The following LAP3 variants were observed in gnomAD, a reference collection of about 807,000 sequenced individuals.
LAP3 encodes the protein cytosol aminopeptidase.
In LAP3, 46 loss-of-function variants were observed where a neutral mutation model predicts 58.8. That is an observed-to-expected ratio of 0.78 (90% CI 0.62 to 1.00). The LOEUF (loss-of-function observed/expected upper bound fraction) is 1.00. Among genes scored for constraint, LAP3 ranks in the 50% least tolerant of loss-of-function variants. The pLI, the probability that LAP3 is intolerant of heterozygous loss-of-function variation, is 0.00. For synonymous variants in LAP3, 257 were observed against 237.7 expected (o/e 1.08, Z -0.75); for missense variants, 615 against 659.1 (o/e 0.93, Z 0.73).
intron 10 of LAP3, among the ~76,000 whole-genome samples, chr4:17,598,911 A>G (rs1279214039): frequency 1.3e-5 from 2 of 151,610 alleles, no homozygotes; most frequent in African/African-American, 4.9e-5. Context: ...GAATTTTTGT[A>G]TTTTTAGTAG....
chr4:17,588,844 G>T lies in LAP3; in HGVS notation c.730G>T (p.Ala244Ser), dbSNP rs144165726. 2 of 1,614,050 alleles carry T rather than the reference G, an allele frequency of 1.2e-6. No individual in the cohort carries two copies. Among genetic ancestry groups the T allele is most frequent in the Non-Finnish European group, 1.7e-6 (2 of 1,179,992 alleles). The change falls in exon 7 of 13, where the codon GCA (alanine) becomes TCA (serine). Residue 244 changes from alanine to serine, a missense_variant. Ala to Ser is a moderately conservative substitution (Grantham distance 99). Coordinates refer to ENST00000226299, the MANE Select transcript of LAP3 (RefSeq NM_015907.3). ...IRPKSWIEEQ[A>S]MGSFLSVAKG... ...ACCCAAGTCTTGGATTGAGGAACAG[G>T]CAATGGGATCATTCCTCAGTGTGGC...
chr4:17,595,280 C>T (rs113557457), intron 7 of LAP3, 130 bp from the exon 8 acceptor site: 21 of 929,092 alleles, frequency 2.3e-5, no homozygotes, highest in Middle Eastern at 3.6e-4. Flanking sequence ...CCTCGTGATC[C>T]GCCCACCTCG....
rs1285408752 is a variant in LAP3 at position 17,583,502 on chromosome 4, A to T, written c.399A>T (p.Gln133His). 3.7e-6 allele frequency: 6 copies of T among 1,614,032 alleles called. No homozygotes were observed. Among genetic ancestry groups the T allele is most frequent in the Non-Finnish European group, 5.1e-6 (6 of 1,180,048 alleles). Residue 133 changes from glutamine to histidine, a missense_variant, in exon 5 of 13, where the codon CAA (glutamine) becomes CAT (histidine). Physicochemically the swap from Gln to His is conservative, Grantham distance 24. Transcript: ENST00000226299. ...TTCAAGCGGGGTGCAGGCAGATTCAAGACCTGGAGCTCTCGTCTGTGGAGG... is the reference window on the plus strand; with the variant it reads ...TTCAAGCGGGGTGCAGGCAGATTCATGACCTGGAGCTCTCGTCTGTGGAGG... ...AAVAAGCRQIQDLELSSVEVD... is the reference protein window; with the variant it reads ...AAVAAGCRQIHDLELSSVEVD...
At chr4:17,599,795 C>T (rs944236330) in intron 10 of LAP3, among the ~76,000 whole-genome samples, 22 of 150,506 alleles carry the variant, frequency 1.5e-4, no homozygotes, top group African/African-American at 5.1e-4. Flanking sequence ...TCTCATTTAA[C>T]AAGTGACACA....
chr4:17,591,100 G>C (rs1315752338), intron 7 of LAP3, among the ~76,000 whole-genome samples: 2 of 144,936 alleles, frequency 1.4e-5, no homozygotes, highest in Admixed American at 1.4e-4. Flanking sequence ...TTTTTGAGAC[G>C]GAATCTTGCT....
intron 7 of LAP3, 127 bp from the exon 8 acceptor site, chr4:17,595,283 C>T: frequency 1.0e-6 from 1 of 978,684 alleles, no homozygotes. Context: ...CGTGATCCGC[C>T]CACCTCGGCC....
chr4:17,597,024 C>T, intron 8 of LAP3, 22 bp from the exon 9 acceptor site: 1 of 1,612,508 alleles, frequency 6.2e-7, no homozygotes, highest in Non-Finnish European at 8.5e-7. Flanking sequence ...TACTGTGTGC[C>T]TTCATATATT....
intron 10 of LAP3, among the ~76,000 whole-genome samples, chr4:17,599,699 G>A (rs1285687806): frequency 6.6e-6 from 1 of 150,650 alleles, no homozygotes; most frequent in Non-Finnish European, 1.5e-5. Context: ...AGCTTTCAGA[G>A]CTTTACTTTT....
chr4:17,585,590 T>C (rs1047427363), intron 6 of LAP3: 4 of 154,422 alleles, frequency 2.6e-5, no homozygotes, highest in African/African-American at 9.6e-5. Flanking sequence ...GCCCAGCTAA[T>C]TTCTTAATTT....
intron 4 of LAP3, 63 bp from the exon 5 acceptor site, chr4:17,583,420 G>A (rs1353354401): frequency 6.3e-7 from 1 of 1,581,740 alleles, no homozygotes; most frequent in Non-Finnish European, 8.7e-7. Flanking sequence ...TCATGCCTCT[G>A]CTGTCTGCTC....
chr4:17,579,742 C>T (rs1370464447), intron 1 of LAP3, 82 bp from the exon 2 acceptor site: 4 of 697,048 alleles, frequency 5.7e-6, no homozygotes, highest in African/African-American at 3.7e-5. Flanking sequence ...TTATTTGTTC[C>T]TTCTGGAATT....
chr4:17,579,266 C>G (rs1029314162), intron 1 of LAP3, among the ~76,000 whole-genome samples: 3 of 152,126 alleles, frequency 2.0e-5, no homozygotes, highest in Admixed American at 6.5e-5. Flanking sequence ...TTTATTTGTA[C>G]AGGTCCATTT....
chr4:17,605,980 GATT>G (rs1714116843), intron 11 of LAP3, among the ~76,000 whole-genome samples: 1 of 152,108 alleles, frequency 6.6e-6, no homozygotes, highest in South Asian at 2.1e-4. Context: ...TTAGGTCTTT[GATT>G]TTTTACCAGT....
At chr4:17,578,808 G>T (rs1311593304) in intron 1 of LAP3, among the ~76,000 whole-genome samples, 1 of 152,136 alleles carries the variant, frequency 6.6e-6, no homozygotes, top group African/African-American at 2.4e-5. Flanking sequence ...ACCCTCCCTA[G>T]GAAGTTGGTA....
chr4:17,577,254 G>A lies in LAP3; in HGVS notation c.-212G>A. The A allele has an allele frequency of 6.8e-6, 1 of 146,298 alleles. No individual in the cohort carries two copies. Among genetic ancestry groups the A allele is most frequent in the Non-Finnish European group, 1.1e-5 (1 of 88,374 alleles). 9.1% of individuals were successfully genotyped at this position (146,298 alleles called of 1,614,324 possible). ...CGCACACGAATGCGGGCGCACCCTTGAGTCCCCTCCACAACCGCGGTTTGA... is the reference window on the plus strand; with the variant it reads ...CGCACACGAATGCGGGCGCACCCTTAAGTCCCCTCCACAACCGCGGTTTGA... On this transcript the variant is annotated 5_prime_UTR_variant, in exon 1 of 13. It removes the in-frame stop codon of an upstream open reading frame in the 5' UTR. Transcript: ENST00000226299.
rs200172730 is a variant in LAP3, at chr4:17,598,377, C to T, written c.1078-79C>T. On this transcript the variant is annotated intron_variant, in intron 9 of 12. Transcript: ENST00000226299. ...TCACAGTAGCTTTTTCCAACTTTTC[C>T]GTCGAACACTGTTGCAAGTGTCTAG... 86 of 1,042,568 alleles carry T rather than the reference C, an allele frequency of 8.2e-5. No individual in the cohort carries two copies. The East Asian group carries it at 1.6e-3, about 20-fold the overall frequency. The allele number at this position is 1,042,568 out of a possible 1,614,324, so 64.6% of individuals were successfully genotyped here.
chr4:17,603,858 G>A (rs1240941296), intron 10 of LAP3, among the ~76,000 whole-genome samples: 2 of 131,886 alleles, frequency 1.5e-5, no homozygotes, highest in East Asian at 2.3e-4. Context: ...ACAGAATCTC[G>A]CTCTATCACC....
chr4:17,606,565 C>T (rs990508816), intron 11 of LAP3, among the ~76,000 whole-genome samples: 6 of 152,294 alleles, frequency 3.9e-5, no homozygotes, highest in Admixed American at 2.0e-4. Flanking sequence ...GTCTCGATTT[C>T]TTGACCTCGT....
Position 17,606,868 on chromosome 4 carries a change from C to T in LAP3, c.1300C>T (p.Leu434Phe), listed in dbSNP as rs760114375. 5 of 1,613,328 alleles carry T rather than the reference C, an allele frequency of 3.1e-6. No homozygotes were observed. The highest frequency in any genetic ancestry group is 2.5e-6 in the Non-Finnish European group (3 of 1,179,984). ...AGGGGACCGTGTCTGGAGGATGCCT[C>T]TCTTCGAACATTATACAAGACAGGT... Reference protein sequence around the residue: ...ETGDRVWRMPLFEHYTRQVVD... With the variant: ...ETGDRVWRMPFFEHYTRQVVD... Residue 434 changes from leucine to phenylalanine, a missense_variant, in exon 12 of 13, where the codon CTC (leucine) becomes TTC (phenylalanine). Physicochemically the swap from Leu to Phe is conservative, Grantham distance 22. Coordinates refer to ENST00000226299, the MANE Select transcript of LAP3 (RefSeq NM_015907.3).
Sources: gnomAD v4.1 joint callset for allele counts (sites outside exome capture counted in the v4.1 genomes callset) on GRCh38, gnomAD v4.1.1 for gene constraint, MANE v1.5 for transcripts, NCBI Gene and HGNC (gene_info 2026-07-23, HGNC 2026-07-21) for gene names.